The following PRIM2 variants were observed in gnomAD, a reference collection of about 807,000 sequenced individuals.
The protein encoded by PRIM2 is DNA primase subunit 2, also known as DNA primase large subunit.
Under a neutral mutation model 67.3 loss-of-function variants are expected in PRIM2, and 39 were observed. That is an observed-to-expected ratio of 0.58 (90% confidence interval 0.45 to 0.76). The LOEUF (loss-of-function observed/expected upper bound fraction) is 0.76. Ranked by LOEUF, PRIM2 falls within the 30% of genes least tolerant of loss-of-function variation. The pLI is 0.00. For missense variants in PRIM2, 398 were observed against 598.7 expected, an observed-to-expected ratio of 0.66 and a Z score of 3.50; for synonymous variants, 143 against 198.7, an observed-to-expected ratio of 0.72 and a Z score of 2.36.
chr6:57,508,408 C>G (rs1479014478), intron 8 of PRIM2, among the ~76,000 whole-genome samples: 2 of 152,048 alleles, frequency 1.3e-5, no homozygotes, highest in African/African-American at 2.4e-5. Context: ...TCTTGTATAT[C>G]TGTACTATAG....
chr6:57,431,657 A>C (rs1401130950), intron 7 of PRIM2, among the ~76,000 whole-genome samples: 1 of 152,076 alleles, frequency 6.6e-6, no homozygotes, highest in Non-Finnish European at 1.5e-5. Flanking sequence ...TAAAAAAAAA[A>C]ATGTGATTTG....
chr6:57,593,951 A>G (rs1776324026), intron 10 of PRIM2, among the ~76,000 whole-genome samples: 2 of 152,358 alleles, frequency 1.3e-5, no homozygotes, highest in African/African-American at 4.8e-5. Flanking sequence ...TTATTTTAAC[A>G]GAATAGCTTA....
At chr6:57,352,597 A>T (rs943564192) in intron 5 of PRIM2, among the ~76,000 whole-genome samples, 2 of 152,170 alleles carry the variant, frequency 1.3e-5, no homozygotes, top group Admixed American at 1.3e-4. Context: ...CCTTGGTTGA[A>T]TATATGTTTT....
At chr6:57,568,222 T>C (rs1775787084) in intron 10 of PRIM2, among the ~76,000 whole-genome samples, 2 of 152,236 alleles carry the variant, frequency 1.3e-5, no homozygotes, top group African/African-American at 4.8e-5. Context: ...AGTCCAATTT[T>C]CTAGGTGGAT....
At chr6:57,477,655 T>C (rs1160647168) in intron 7 of PRIM2, among the ~76,000 whole-genome samples, 2 of 152,204 alleles carry the variant, frequency 1.3e-5, no homozygotes, top group Non-Finnish European at 2.9e-5. Context: ...TCGTAATAGA[T>C]ATTTTAGTTA....
At chr6:57,414,788 A>G (rs1468190208) in intron 7 of PRIM2, among the ~76,000 whole-genome samples, 3 of 152,052 alleles carry the variant, frequency 2.0e-5, no homozygotes, top group Admixed American at 6.6e-5. Flanking sequence ...ATATATATAA[A>G]TTTTATAGCC....
chr6:57,441,624 AG>A (rs897376221), intron 7 of PRIM2, among the ~76,000 whole-genome samples: 2 of 152,202 alleles, frequency 1.3e-5, no homozygotes, highest in African/African-American at 4.8e-5. Context: ...GAAATTAATG[AG>A]GAAATCATTA....
At chr6:57,229,724 T>A in the PRIM2 span, among the ~76,000 whole-genome samples, 1 of 152,192 alleles carries the variant, frequency 6.6e-6, no homozygotes, top group Admixed American at 6.5e-5. Flanking sequence ...ATACCTGACC[T>A]CGTGATCCGT....
chr6:57,266,959 T>C, the PRIM2 span, among the ~76,000 whole-genome samples: 30 of 152,368 alleles, frequency 2.0e-4, no homozygotes, highest in African/African-American at 6.3e-4. Context: ...TAGTGAATGC[T>C]CAATGAATTT....
In PRIM2 at chr6:57,379,982, G is replaced by C; in HGVS notation, c.541G>C (p.Glu181Gln). ...PSLSGLKLGF[E>Q]SIYKIPFADA... ...TTTAAGTGGACTTAAGTTGGGGTTC[G>C]AGTCCATTTATAAGGTATGTAAACA... Residue 181 changes from glutamate to glutamine, a missense_variant, in exon 6 of 14, where the codon GAG becomes CAG. Glu to Gln is a conservative substitution (Grantham distance 29). Coordinates refer to ENST00000615550, the MANE Select transcript of PRIM2 (RefSeq NM_000947.5). The C allele has an allele frequency of 1.3e-6, 2 of 1,555,162 alleles. No homozygotes were observed. Among genetic ancestry groups the C allele is most frequent in the Non-Finnish European group, 1.7e-6 (2 of 1,148,498 alleles).
intron 8 of PRIM2, among the ~76,000 whole-genome samples, chr6:57,517,690 C>T (rs1252983306): frequency 6.6e-6 from 1 of 151,930 alleles, no homozygotes; most frequent in Non-Finnish European, 1.5e-5. Context: ...TCTGAGGTAG[C>T]CCTGGAAAAG....
intron 7 of PRIM2, among the ~76,000 whole-genome samples, chr6:57,469,224 T>C (rs1264402478): frequency 6.6e-6 from 1 of 152,262 alleles, no homozygotes; most frequent in Non-Finnish European, 1.5e-5. Context: ...TGGAACTCTC[T>C]TTATGTTGCT....
chr6:57,494,960 T>C (rs1334753599), intron 7 of PRIM2, among the ~76,000 whole-genome samples: 1 of 152,232 alleles, frequency 6.6e-6, no homozygotes, highest in Non-Finnish European at 1.5e-5. Flanking sequence ...CAATGGTTTG[T>C]ATTGATTTTT....
chr6:57,456,144 C>T (rs1331166321), intron 7 of PRIM2, among the ~76,000 whole-genome samples: 13 of 152,286 alleles, frequency 8.5e-5, no homozygotes, highest in Non-Finnish European at 1.6e-4. Flanking sequence ...AGAGTTTCTG[C>T]CGAGAGATCC....
chr6:57,246,583 G>T, the PRIM2 span, among the ~76,000 whole-genome samples: 2 of 152,152 alleles, frequency 1.3e-5, no homozygotes, highest in African/African-American at 4.8e-5. Context: ...ACTAATCAGG[G>T]TGTAGGTACT....
Position 57,464,428 on chromosome 6 carries a change from C to A in PRIM2, c.694-42959C>A, listed in dbSNP as rs1213268040. Among the ~76,000 whole-genome samples, 186 of 152,178 alleles carry A rather than the reference C, an allele frequency of 1.2e-3. 1 individual carries two copies. The highest frequency in any genetic ancestry group is 4.2e-3 in the African/African-American group (176 of 41,514). ...AAGTAGCTGGAATTACAGGCACGTG[C>A]CACCACACGTGGCTAATTTTTATGT... On this transcript the variant is annotated intron_variant, in intron 7 of 13. Coordinates refer to ENST00000615550, the MANE Select transcript of PRIM2 (RefSeq NM_000947.5).
At chr6:57,300,252 C>T in the PRIM2 span, among the ~76,000 whole-genome samples, 4 of 152,228 alleles carry the variant, frequency 2.6e-5, no homozygotes, top group South Asian at 2.1e-4. Context: ...GCACCTTATA[C>T]TCCCTCTGTC....
intron 5 of PRIM2, among the ~76,000 whole-genome samples, chr6:57,345,472 A>ATG (rs1330350650): frequency 2.5e-5 from 2 of 79,842 alleles, no homozygotes; most frequent in Non-Finnish European, 5.1e-5. Flanking sequence ...TGATATATAT[A>ATG]TATGTGTGTG....
At chr6:57,369,769 G>T (rs1399441879) in intron 5 of PRIM2, among the ~76,000 whole-genome samples, 1 of 152,114 alleles carries the variant, frequency 6.6e-6, no homozygotes, top group Admixed American at 6.5e-5. Flanking sequence ...CAGTTATTTT[G>T]AATTCCCCTA....
Sources: gnomAD v4.1 joint callset for allele counts (sites outside exome capture counted in the v4.1 genomes callset) on GRCh38, gnomAD v4.1.1 for gene constraint, MANE v1.5 for transcripts, NCBI Gene and HGNC (gene_info 2026-07-23, HGNC 2026-07-21) for gene names.